AK9: variants seen among roughly 807,000 people sequenced by gnomAD.
AK9 encodes the protein adenylate kinase 9.
A neutral mutation model predicts 239.6 loss-of-function variants in AK9; 191 were observed. The ratio of observed to expected loss-of-function variants is 0.80; its 90% CI spans 0.71 to 0.90. The LOEUF is 0.90. Among genes scored for constraint, AK9 ranks in the 40% least tolerant of loss-of-function variants. AK9 has a pLI of 0.00. For missense variants in AK9, 1,995 were observed against 2,214.7 expected, an observed-to-expected ratio of 0.90 and a Z score of 1.99; for synonymous variants, 689 against 721.0, an observed-to-expected ratio of 0.96 and a Z score of 0.71.
intron 27 of AK9, among the ~76,000 whole-genome samples, chr6:109,536,615 C>T (rs1001642720): frequency 3.9e-5 from 6 of 152,286 alleles, no homozygotes; most frequent in Non-Finnish European, 8.8e-5. Flanking sequence ...TGCCTGATTT[C>T]CCTGGCCAGA....
chr6:109,593,376 C>G (rs1790548294), intron 17 of AK9, among the ~76,000 whole-genome samples: 1 of 151,900 alleles, frequency 6.6e-6, no homozygotes, highest in Non-Finnish European at 1.5e-5. Flanking sequence ...TAATTAATAG[C>G]CTACCAACCA....
At chr6:109,638,631 T>C (rs1285845429) in intron 10 of AK9, among the ~76,000 whole-genome samples, 5 of 152,104 alleles carry the variant, frequency 3.3e-5, no homozygotes, top group African/African-American at 1.2e-4. Flanking sequence ...GGGCATGTGC[T>C]ATCACGTCTG....
intron 24 of AK9, among the ~76,000 whole-genome samples, chr6:109,559,248 G>A (rs6938499): frequency 0.59 from 89,220 of 151,316 alleles, 27,775 homozygotes; most frequent in South Asian, 0.84. Flanking sequence ...GCTCACTGCA[G>A]GCTCTGCCTC....
intron 29 of AK9, 93 bp from the exon 30 acceptor site, chr6:109,516,735 G>A (rs1779314246): frequency 2.7e-6 from 3 of 1,120,330 alleles, no homozygotes; most frequent in Admixed American, 2.2e-5. Context: ...GTAATGGCTC[G>A]ATATTGGTTG....
At position 109,529,010 on chromosome 6, in the gene AK9, C is replaced by T; in HGVS notation, c.3633+1G>A. ...TTGAAAAAAAAAACAAAACTACTTA[C>T]CTCCCTCCTTTTTTTATCTCTCTCT... On this transcript the variant is annotated splice_donor_variant, in intron 29 of 40. Transcript: ENST00000424296. LOFTEE classifies it high-confidence loss of function. 1 of 1,602,230 alleles carries T rather than the reference C, an allele frequency of 6.2e-7. No individual in the cohort carries two copies. The highest frequency in any genetic ancestry group is 8.5e-7 in the Non-Finnish European group (1 of 1,175,862).
At chr6:109,530,294 T>C (rs1562359939) in intron 28 of AK9, among the ~76,000 whole-genome samples, 1 of 152,150 alleles carries the variant, frequency 6.6e-6, no homozygotes. Context: ...TGCTATTGAG[T>C]ACACATTCCT....
intron 1 of AK9, among the ~76,000 whole-genome samples, chr6:109,684,836 T>C (rs1219128009): frequency 9.3e-6 from 1 of 107,700 alleles, no homozygotes. Context: ...ATCCCGCCAC[T>C]GCACTCCAGC....
intron 8 of AK9, among the ~76,000 whole-genome samples, chr6:109,645,589 C>T (rs1224232354): frequency 7.2e-5 from 7 of 96,688 alleles, no homozygotes; most frequent in Admixed American, 1.3e-4. Context: ...CACAGCTCAA[C>T]GAGGCCTGCC....
chr6:109,640,519 C>T (rs1162330147), intron 10 of AK9, among the ~76,000 whole-genome samples: 1 of 152,064 alleles, frequency 6.6e-6, no homozygotes, highest in African/African-American at 2.4e-5. Context: ...TGCATCGATC[C>T]CGCTGGGAGC....
intron 10 of AK9, among the ~76,000 whole-genome samples, chr6:109,639,065 G>A (rs972971787): frequency 3.3e-5 from 5 of 152,278 alleles, no homozygotes; most frequent in Admixed American, 3.3e-4. Flanking sequence ...TGGACATTTG[G>A]GTTGGTTCCA....
chr6:109,594,853 T>C (rs1174828924), intron 17 of AK9, among the ~76,000 whole-genome samples: 1 of 152,062 alleles, frequency 6.6e-6, no homozygotes, highest in African/African-American at 2.4e-5. Context: ...TTATACAAAA[T>C]TAACTCAAGA....
intron 21 of AK9, among the ~76,000 whole-genome samples, chr6:109,572,476 A>G (rs1355044693): frequency 6.6e-6 from 1 of 152,222 alleles, no homozygotes; most frequent in African/African-American, 2.4e-5. Flanking sequence ...ATGGATCGTG[A>G]GGATGGAGTC....
intron 1 of AK9, among the ~76,000 whole-genome samples, chr6:109,682,477 A>T (rs1025194344): frequency 1.3e-4 from 20 of 148,920 alleles, no homozygotes; most frequent in South Asian, 6.3e-4. Context: ...TTTTGAAAAG[A>T]TCAACAAAAT....
intron 24 of AK9, chr6:109,550,516 A>G: frequency 2.4e-6 from 1 of 419,818 alleles, no homozygotes; most frequent in Non-Finnish European, 4.1e-6. Context: ...TTTCATGAGG[A>G]AAATAAAGCA....
intron 27 of AK9, among the ~76,000 whole-genome samples, chr6:109,538,839 G>T (rs1401759681): frequency 6.6e-6 from 1 of 151,954 alleles, no homozygotes; most frequent in Non-Finnish European, 1.5e-5. Context: ...GTCTGTAAAG[G>T]ATTTTATTTC....
rs533789923 is a variant in AK9 at position 109,660,019 on chromosome 6, G to A, written c.445-606C>T. On this transcript the variant is annotated intron_variant, in intron 6 of 40. Coordinates refer to ENST00000424296, the MANE Select transcript of AK9 (RefSeq NM_001145128.3). Reference sequence around the variant, plus strand: ...TTCTTGTTCCAAAGTGCTTTCACTCGTGCGATTTTACTGAATTCTCAACTA... The same window carrying A: ...TTCTTGTTCCAAAGTGCTTTCACTCATGCGATTTTACTGAATTCTCAACTA... Among the ~76,000 whole-genome samples the A allele has an allele frequency of 4.6e-5, 7 of 152,168 alleles. No homozygotes were observed. The South Asian group carries it at 8.3e-4, about 18-fold the overall frequency.
chr6:109,569,697 C>T (rs1207388951), intron 21 of AK9, among the ~76,000 whole-genome samples: 1 of 152,112 alleles, frequency 6.6e-6, no homozygotes, highest in African/African-American at 2.4e-5. Context: ...TATTACTGGC[C>T]GTCAGAGAAA....
intron 5 of AK9, among the ~76,000 whole-genome samples, chr6:109,669,333 A>G (rs1056590167): frequency 7.2e-5 from 11 of 152,108 alleles, no homozygotes; most frequent in Non-Finnish European, 1.3e-4. Context: ...GTCATCTGCA[A>G]ACAGGGACAA....
intron 26 of AK9, among the ~76,000 whole-genome samples, chr6:109,544,110 T>C (rs1419807013): frequency 6.6e-6 from 1 of 152,018 alleles, no homozygotes; most frequent in Non-Finnish European, 1.5e-5. Flanking sequence ...GAGAGGGAGA[T>C]GCTGTCTCAA....
Sources: gnomAD v4.1 joint callset for allele counts (sites outside exome capture counted in the v4.1 genomes callset) on GRCh38, gnomAD v4.1.1 for gene constraint, MANE v1.5 for transcripts, NCBI Gene and HGNC (gene_info 2026-07-23, HGNC 2026-07-21) for gene names.